The following ATP11B variants were observed in gnomAD, a reference collection of about 807,000 sequenced individuals.
ATP11B encodes ATPase phospholipid transporting 11B (putative).
ATP11B carries 81 observed loss-of-function variants against 157.8 expected under a neutral mutation model. The ratio of observed to expected loss-of-function variants is 0.51; its 90% CI spans 0.43 to 0.62. ATP11B has a LOEUF of 0.62. ATP11B is among the 20% of genes least tolerant of loss of function. The pLI is 0.00. For missense variants in ATP11B, 1,165 were observed against 1,402.2 expected (o/e 0.83, Z 2.70); for synonymous variants, 451 against 469.4 (o/e 0.96, Z 0.51).
Position 182,832,110 on chromosome 3 carries a change from A to G in ATP11B, c.315+2358A>G, listed in dbSNP as rs1232121743. ...TGATACCATTAACTGAGTTGAAAAA[A>G]AGTTGGTGAATTTTTATCTACAAGT... On this transcript the variant is annotated intron_variant, in intron 4 of 29. Coordinates refer to ENST00000323116, the MANE Select transcript of ATP11B (RefSeq NM_014616.3). Among the ~76,000 whole-genome samples the G allele has an allele frequency of 2.0e-5, 3 of 152,190 alleles. No homozygotes were observed. In the East Asian group the frequency reaches 5.8e-4, roughly 29 times the overall value.
intron 29 of ATP11B, chr3:182,915,519 G>A (rs7627158): frequency 0.23 from 229,626 of 981,544 alleles, 28,011 homozygotes; most frequent in East Asian, 0.55. Context: ...ATCAAGATAG[G>A]AGTTAGACTA....
chr3:182,823,829 GT>G (rs913213496), intron 2 of ATP11B, among the ~76,000 whole-genome samples: 149 of 147,590 alleles, frequency 1.0e-3, no homozygotes, highest in Middle Eastern at 7.0e-3. Flanking sequence ...AAAACTTTAG[GT>G]TTTTTTTTTA....
chr3:182,827,946 G>A (rs1196780013), intron 2 of ATP11B, among the ~76,000 whole-genome samples, 174 bp from the exon 3 acceptor site: 1 of 151,710 alleles, frequency 6.6e-6, no homozygotes, highest in East Asian at 1.9e-4. Flanking sequence ...GAAGAAAAAA[G>A]GGAAGTAGAA....
chr3:182,805,761 G>T (rs1020464597), intron 1 of ATP11B, among the ~76,000 whole-genome samples: 19 of 151,680 alleles, frequency 1.3e-4, no homozygotes, highest in African/African-American at 3.9e-4. Flanking sequence ...GCACTGGGCC[G>T]CTTGTTTTTA....
In ATP11B at chr3:182,884,839, G is replaced by T; in HGVS notation, c.2596G>T (p.Val866Phe). The T allele has an allele frequency of 6.3e-7, 1 of 1,585,768 alleles. No homozygotes were observed. Among genetic ancestry groups the T allele is most frequent in the Non-Finnish European group, 8.6e-7 (1 of 1,160,572 alleles). Reference sequence around the variant, plus strand: ...TAAGTTCCTCTCCAAATTGCTTTTTGTTCATGGTCATTTTTATTATATTAG... The same window carrying T: ...TAAGTTCCTCTCCAAATTGCTTTTTTTTCATGGTCATTTTTATTATATTAG... The part of the protein sequence containing the change: ...RFKFLSKLLF[V>F]HGHFYYIRIA... Residue 866 changes from valine (V) to phenylalanine (F), a missense_variant, in exon 22 of 30, where the codon GTT becomes TTT. By Grantham distance (50) the Val-to-Phe change is conservative. This residue lies in a region of ATP11B where 737 missense variants were observed against 930.5 expected (regional missense o/e 0.79). Coordinates refer to ENST00000323116, the MANE Select transcript of ATP11B (RefSeq NM_014616.3).
At chr3:182,807,870 C>T (rs1483448540) in intron 1 of ATP11B, among the ~76,000 whole-genome samples, 1 of 151,992 alleles carries the variant, frequency 6.6e-6, no homozygotes, top group African/African-American at 2.4e-5. Context: ...TTTGGTATTT[C>T]CATAGTTCTA....
At chr3:182,885,864 A>G (rs1722762255) in intron 22 of ATP11B, 87 bp from the exon 23 acceptor site, 2 of 849,822 alleles carry the variant, frequency 2.4e-6, no homozygotes, top group Admixed American at 3.9e-5. Context: ...TTGTTTTTGG[A>G]CACTTTAACA....
At chr3:182,865,061 A>G (rs946760731) in intron 12 of ATP11B, among the ~76,000 whole-genome samples, 1 of 151,626 alleles carries the variant, frequency 6.6e-6, no homozygotes, top group Non-Finnish European at 1.5e-5. Context: ...ATTTCTCCTC[A>G]CTCGGATACC....
chr3:182,843,403 G>A (rs189554631), intron 8 of ATP11B: 19 of 152,276 alleles, frequency 1.2e-4, no homozygotes, highest in African/African-American at 4.1e-4. Context: ...TTAAACCGAC[G>A]ATGCCTAGTA....
At chr3:182,915,523 TAGACTA>T (rs201204741) in intron 29 of ATP11B, 38,558 of 981,508 alleles carry the variant, frequency 0.039, 866 homozygotes, top group Admixed American at 0.052. Context: ...AGATAGGAGT[TAGACTA>T]AGATACAATA....
chr3:182,855,842 G>A (rs1720354099), intron 10 of ATP11B, among the ~76,000 whole-genome samples: 1 of 152,014 alleles, frequency 6.6e-6, no homozygotes, highest in Non-Finnish European at 1.5e-5. Context: ...AACCACATTG[G>A]GATATCACCA....
intron 10 of ATP11B, among the ~76,000 whole-genome samples, chr3:182,855,775 A>G (rs1205633435): frequency 6.6e-6 from 1 of 152,190 alleles, no homozygotes; most frequent in African/African-American, 2.4e-5. Context: ...TGCAGATTAC[A>G]AATAAGCACA....
intron 20 of ATP11B, 30 bp from the exon 21 acceptor site, chr3:182,880,849 C>A: frequency 1.4e-6 from 2 of 1,448,724 alleles, no homozygotes; most frequent in East Asian, 2.4e-5. Context: ...GAACTTGCGT[C>A]ATAAATAACC....
At chr3:182,914,827 A>G in intron 29 of ATP11B, 1 of 985,394 alleles carries the variant, frequency 1.0e-6, no homozygotes, top group Non-Finnish European at 1.2e-6. Flanking sequence ...GTTAGGGGGT[A>G]GAAAGAGCTT....
intron 12 of ATP11B, 79 bp from the exon 13 acceptor site, chr3:182,865,377 G>T: frequency 4.9e-6 from 7 of 1,436,156 alleles, no homozygotes; most frequent in Non-Finnish European, 6.6e-6. Context: ...TCAGGAGAGC[G>T]AGGACAGAGA....
chr3:182,818,014 A>G (rs1717071404), intron 1 of ATP11B, among the ~76,000 whole-genome samples: 1 of 152,228 alleles, frequency 6.6e-6, no homozygotes, highest in Non-Finnish European at 1.5e-5. Flanking sequence ...GAGAAGTAGT[A>G]ACATATTAGT....
intron 10 of ATP11B, among the ~76,000 whole-genome samples, chr3:182,857,649 A>G (rs964904220): frequency 2.6e-5 from 4 of 152,088 alleles, no homozygotes; most frequent in African/African-American, 9.7e-5. Context: ...TAATGGTAAC[A>G]TGGCTATATT....
chr3:182,819,981 G>A (rs1717224615), intron 1 of ATP11B, among the ~76,000 whole-genome samples: 1 of 151,554 alleles, frequency 6.6e-6, no homozygotes, highest in East Asian at 1.9e-4. Flanking sequence ...ATTACTAAAG[G>A]CATTACCTAG....
At chr3:182,848,628 A>G (rs569509476) in intron 10 of ATP11B, 71 bp downstream of exon 10, 19 of 631,508 alleles carry the variant, frequency 3.0e-5, no homozygotes, top group South Asian at 4.7e-5. Context: ...GGTATAAAAT[A>G]TTATATATAT....
Sources: allele counts gnomAD v4.1 joint callset (sites outside exome capture counted in the v4.1 genomes callset), GRCh38; gene constraint gnomAD v4.1.1; regional missense constraint gnomAD v4.1.1; transcripts MANE v1.5; gene names NCBI Gene and HGNC (gene_info 2026-07-23, HGNC 2026-07-21).